Variants in AMBRA1 observed in about 807,000 individuals in gnomAD.
AMBRA1 encodes the protein activating molecule in BECN1-regulated autophagy protein 1.
A neutral mutation model predicts 125.4 loss-of-function variants in AMBRA1; 47 were observed. That is an observed-to-expected ratio of 0.37 (90% CI 0.30 to 0.48). AMBRA1 has a LOEUF of 0.48. Among genes scored for constraint, AMBRA1 ranks in the 20% least tolerant of loss-of-function variants. AMBRA1 has a pLI of 0.99. For synonymous variants in AMBRA1, 626 were observed against 655.5 expected (o/e 0.95, Z 0.69); for missense variants, 1,331 against 1,693.4 (o/e 0.79, Z 3.76).
At chr11:46,546,831 G>A (rs908707115) in intron 4 of AMBRA1, among the ~76,000 whole-genome samples, 9 of 152,174 alleles carry the variant, frequency 5.9e-5, no homozygotes, top group African/African-American at 2.2e-4. Flanking sequence ...AGCACTTTGG[G>A]AGGCCGAGGC....
chr11:46,578,091 G>C (rs2044023234), intron 1 of AMBRA1, among the ~76,000 whole-genome samples: 1 of 152,072 alleles, frequency 6.6e-6, no homozygotes, highest in Admixed American at 6.6e-5. Flanking sequence ...CTGTAGTCTA[G>C]CCTGGAAGAA....
chr11:46,473,127 A>AT (rs1326795085), intron 11 of AMBRA1, among the ~76,000 whole-genome samples: 1 of 152,236 alleles, frequency 6.6e-6, no homozygotes, highest in Non-Finnish European at 1.5e-5. Flanking sequence ...GTCAACTTGA[A>AT]TTTAGTGGTT....
intron 1 of AMBRA1, among the ~76,000 whole-genome samples, chr11:46,591,991 G>A (rs1408612841): frequency 6.2e-5 from 9 of 144,356 alleles, no homozygotes; most frequent in African/African-American, 2.4e-4. Context: ...TGTTGCCTAG[G>A]CTGGAGTGCA....
At position 46,419,995 on chromosome 11, in the gene AMBRA1, T is replaced by TACACACAC. The variant is rs34070050; in HGVS notation, c.2977-1951_2977-1944dup. Reference sequence around the variant, plus strand: ...AAAAGACAGCAGCACGTGTCCTCAATACACACACACACACACACACACACA... The same window carrying TACACACAC: ...AAAAGACAGCAGCACGTGTCCTCAATACACACACACACACACACACACACACACACACA... On this transcript the variant is annotated intron_variant, in intron 14 of 17. Coordinates refer to ENST00000683756, the MANE Select transcript of AMBRA1 (RefSeq NM_001387011.1). Among the ~76,000 whole-genome samples the TACACACAC allele has an allele frequency of 2.4e-3, 306 of 129,100 alleles. 3 individuals carry two copies. The highest frequency in any genetic ancestry group is 3.8e-3 in the Middle Eastern group (1 of 262). The allele number at this position is 129,100 out of a possible 152,430, so 84.7% of individuals were successfully genotyped here. A position where few individuals can be genotyped will look rare whatever the true frequency, so the allele number is the denominator to read the frequency against.
chr11:46,443,343 AGTTACAGAAGAGGTGCAGAAATGGCAT>A (rs1295156839), intron 12 of AMBRA1, 118 bp downstream of exon 12: 1 of 639,858 alleles, frequency 1.6e-6, no homozygotes, highest in African/African-American at 1.8e-5. Context: ...CTGAAAAGAA[AGTTACAGAAGAGGTGCAGAAATGGCAT>A]GTAGATAACA....
At chr11:46,456,633 C>T (rs773047333) in intron 11 of AMBRA1, among the ~76,000 whole-genome samples, 3 of 152,270 alleles carry the variant, frequency 2.0e-5, no homozygotes, top group East Asian at 1.9e-4. Flanking sequence ...CTGAGACTCC[C>T]GCAGCTTTTA....
chr11:46,493,478 C>A, intron 11 of AMBRA1, 130 bp downstream of exon 11: 1 of 713,688 alleles, frequency 1.4e-6, no homozygotes, highest in Non-Finnish European at 2.2e-6. Flanking sequence ...AATATCAAAC[C>A]AGGACCCCAA....
chr11:46,498,046 A>T (rs1425057604), intron 9 of AMBRA1, among the ~76,000 whole-genome samples: 1 of 152,208 alleles, frequency 6.6e-6, no homozygotes, highest in Non-Finnish European at 1.5e-5. Context: ...TGCTGATACA[A>T]GGTCGACATC....
chr11:46,580,819 C>T (rs1444097738), intron 1 of AMBRA1, among the ~76,000 whole-genome samples: 1 of 152,068 alleles, frequency 6.6e-6, no homozygotes, highest in Non-Finnish European at 1.5e-5. Flanking sequence ...GGAGACAGAG[C>T]CTTGCTCTGT....
intron 12 of AMBRA1, among the ~76,000 whole-genome samples, chr11:46,442,054 T>C (rs1285086765): frequency 6.8e-6 from 1 of 146,848 alleles, no homozygotes; most frequent in Admixed American, 7.0e-5. Context: ...CACAGCAGCC[T>C]CGACCTCCTG....
intron 11 of AMBRA1, among the ~76,000 whole-genome samples, chr11:46,472,020 C>T (rs1477191491): frequency 2.0e-5 from 3 of 152,056 alleles, no homozygotes; most frequent in Non-Finnish European, 4.4e-5. Context: ...CTTTGGTTAA[C>T]GTTATGTTCT....
intron 7 of AMBRA1, among the ~76,000 whole-genome samples, chr11:46,534,022 G>T (rs1952345071): frequency 6.6e-6 from 1 of 151,120 alleles, no homozygotes; most frequent in African/African-American, 2.4e-5. Flanking sequence ...CTCTGCTCCA[G>T]TGTAACCTTA....
intron 7 of AMBRA1, among the ~76,000 whole-genome samples, chr11:46,531,128 C>T (rs1952198528): frequency 1.3e-5 from 2 of 152,140 alleles, no homozygotes; most frequent in African/African-American, 4.8e-5. Context: ...AGTGATCCAC[C>T]TGCCTCGGCC....
At chr11:46,540,276 T>G (rs989069081) in intron 7 of AMBRA1, among the ~76,000 whole-genome samples, 3 of 152,220 alleles carry the variant, frequency 2.0e-5, no homozygotes, top group African/African-American at 7.2e-5. Flanking sequence ...AAACAGCAAC[T>G]GCTTGGTTTC....
intron 9 of AMBRA1, 78 bp from the exon 10 acceptor site, chr11:46,494,282 C>A: frequency 7.9e-7 from 1 of 1,266,048 alleles, no homozygotes; most frequent in Non-Finnish European, 1.1e-6. Context: ...GAAACATCCC[C>A]AAAATGACAT....
intron 1 of AMBRA1, among the ~76,000 whole-genome samples, chr11:46,585,482 A>AT (rs2044338220): frequency 6.7e-6 from 1 of 149,154 alleles, no homozygotes; most frequent in Non-Finnish European, 1.5e-5. Flanking sequence ...CCTGGCTAAC[A>AT]TGGTGAAAGC....
intron 1 of AMBRA1, among the ~76,000 whole-genome samples, chr11:46,561,330 G>A (rs566548194): frequency 2.6e-5 from 4 of 151,128 alleles, no homozygotes; most frequent in East Asian, 1.9e-4. Flanking sequence ...GCAGTGAGCC[G>A]AGATCATGCC....
At chr11:46,443,300 G>A (rs1362524395) in intron 12 of AMBRA1, among the ~76,000 whole-genome samples, 188 bp downstream of exon 12, 1 of 152,226 alleles carries the variant, frequency 6.6e-6, no homozygotes, top group Non-Finnish European at 1.5e-5. Context: ...ATAGACTTAA[G>A]TGTATGGTAT....
At chr11:46,491,595 T>C (rs1209574956) in intron 11 of AMBRA1, among the ~76,000 whole-genome samples, 1 of 152,128 alleles carries the variant, frequency 6.6e-6, no homozygotes, top group Non-Finnish European at 1.5e-5. Context: ...AAATAAATAC[T>C]CTGTAATATG....
Sources: allele counts gnomAD v4.1 joint callset (sites outside exome capture counted in the v4.1 genomes callset), GRCh38; gene constraint gnomAD v4.1.1; transcripts MANE v1.5; gene names NCBI Gene and HGNC (gene_info 2026-07-23, HGNC 2026-07-21).